Variants in ASAP3 observed in about 807,000 individuals in gnomAD.
The protein encoded by ASAP3 is arf-GAP with SH3 domain, ANK repeat and PH domain-containing protein 3.
ASAP3 carries 85 observed loss-of-function variants against 118.2 expected under a neutral mutation model. The observed-to-expected ratio is 0.72, with a 90% CI of 0.60 to 0.86. The LOEUF is 0.86. Among genes scored for constraint, ASAP3 ranks in the 40% least tolerant of loss-of-function variants. ASAP3 has a pLI of 0.00. For synonymous variants in ASAP3, 432 were observed against 477.4 expected, an observed-to-expected ratio of 0.90 and a Z score of 1.24; for missense variants, 1,026 against 1,175.0, an observed-to-expected ratio of 0.87 and a Z score of 1.85.
At position 23,436,445 on chromosome 1, in the gene ASAP3, G is replaced by C. The variant is rs1640657007; in HGVS notation, c.1571+115C>G. On this transcript the variant is annotated intron_variant, in intron 16 of 24. Coordinates refer to ENST00000336689, the MANE Select transcript of ASAP3 (RefSeq NM_017707.4). The surrounding 1 kb of genome is among the most constrained non-coding windows in gnomAD (Gnocchi z 4.2). Reference sequence around the variant, plus strand: ...CCCAAAGTGCTGGGATTACAGGCGTGAGCCACTGCGCCCAGCCTCCCCAGA... The same window carrying C: ...CCCAAAGTGCTGGGATTACAGGCGTCAGCCACTGCGCCCAGCCTCCCCAGA... 5 of 1,164,844 alleles carry C rather than the reference G, an allele frequency of 4.3e-6. No individual in the cohort carries two copies. The South Asian group carries it at 6.9e-5, about 16-fold the overall frequency. The allele number at this position is 1,164,844 out of a possible 1,614,324, so 72.2% of individuals were successfully genotyped here. A position where few individuals can be genotyped will look rare whatever the true frequency, so the allele number is the denominator to read the frequency against.
At chr1:23,444,935 T>A (rs929269817) in intron 5 of ASAP3, among the ~76,000 whole-genome samples, 1 of 150,870 alleles carries the variant, frequency 6.6e-6, no homozygotes, top group Non-Finnish European at 1.5e-5. Context: ...CAACCAGAAA[T>A]GTCTCCAGAC....
intron 1 of ASAP3, among the ~76,000 whole-genome samples, chr1:23,481,595 C>T (rs995095112): frequency 3.3e-5 from 5 of 152,174 alleles, no homozygotes; most frequent in South Asian, 2.1e-4. Context: ...TGAACCTCTA[C>T]GTGCACCAAA....
intron 1 of ASAP3, among the ~76,000 whole-genome samples, chr1:23,477,782 G>C (rs1484070124): frequency 6.6e-6 from 1 of 152,140 alleles, no homozygotes; most frequent in African/African-American, 2.4e-5. Context: ...GGCACCATCG[G>C]AGTTCACTGC....
chr1:23,437,962 T>C lies in ASAP3; in HGVS notation c.1103-490A>G, dbSNP rs1640736577. Among the ~76,000 whole-genome samples, 1 of 152,138 alleles carries C rather than the reference T, an allele frequency of 6.6e-6. No homozygotes were observed. Among genetic ancestry groups the C allele is most frequent in the African/African-American group, 2.4e-5 (1 of 41,428 alleles). On this transcript the variant is annotated intron_variant, in intron 12 of 24. Coordinates refer to ENST00000336689, the MANE Select transcript of ASAP3 (RefSeq NM_017707.4). This position sits in a 1 kb window ranked among gnomAD's most constrained non-coding sequence, Gnocchi z 6.1. ...CCCCAAGATCTCCCATGGCTCTCTA[T>C]TGCCAGGAAATAAGGTCCAAACTTT...
intron 10 of ASAP3, among the ~76,000 whole-genome samples, chr1:23,439,448 A>G (rs1408469981): frequency 6.6e-6 from 1 of 152,078 alleles, no homozygotes; most frequent in Non-Finnish European, 1.5e-5. Flanking sequence ...TGCCAGTCTG[A>G]TGGAGAAACA....
chr1:23,482,817 T>A (rs1276111541), intron 1 of ASAP3, among the ~76,000 whole-genome samples: 1 of 151,784 alleles, frequency 6.6e-6, no homozygotes, highest in East Asian at 1.9e-4. Flanking sequence ...CCAGGCGTAG[T>A]GGCGGGAGCC....
In ASAP3 at chr1:23,464,864, C is replaced by T. The variant is rs1190652304; in HGVS notation, c.130-8670G>A. Among the ~76,000 whole-genome samples, 5 of 152,096 alleles carry T rather than the reference C, an allele frequency of 3.3e-5. No homozygotes were observed. In the East Asian group the frequency reaches 9.7e-4, roughly 29 times the overall value. ...GTCCAGCAATCTGTGGTTTAACAAG[C>T]CCTCCAGGTGATTCTAATGCATGCT... On this transcript the variant is annotated intron_variant, in intron 1 of 24. Coordinates refer to ENST00000336689, the MANE Select transcript of ASAP3 (RefSeq NM_017707.4).
chr1:23,434,223 G>T, intron 19 of ASAP3, 31 bp downstream of exon 19: 1 of 1,602,852 alleles, frequency 6.2e-7, no homozygotes, highest in South Asian at 1.1e-5. Flanking sequence ...TCAGGAATAG[G>T]AGTCTGACGG....
chr1:23,481,984 A>G (rs915068215), intron 1 of ASAP3, among the ~76,000 whole-genome samples: 2 of 152,196 alleles, frequency 1.3e-5, no homozygotes, highest in African/African-American at 4.8e-5. Context: ...TTTCCCTGTG[A>G]GCCCCACAGT....
intron 1 of ASAP3, among the ~76,000 whole-genome samples, chr1:23,465,419 A>G (rs560839435): frequency 2.2e-4 from 33 of 152,348 alleles, no homozygotes; most frequent in African/African-American, 7.7e-4. Flanking sequence ...CCCATTTTAA[A>G]GATGAAGCTG....
intron 23 of ASAP3, 74 bp from the exon 24 acceptor site, chr1:23,431,199 A>T: frequency 1.4e-6 from 2 of 1,456,522 alleles, no homozygotes; most frequent in Non-Finnish European, 1.9e-6. Flanking sequence ...AGGGCTCAGG[A>T]ACAGAGCCAG....
chr1:23,455,284 T>C (rs1478698658), intron 3 of ASAP3, among the ~76,000 whole-genome samples: 1 of 152,018 alleles, frequency 6.6e-6, no homozygotes, highest in Non-Finnish European at 1.5e-5. Flanking sequence ...TGCCTGCACA[T>C]GGGAAGAGCT....
rs377078048 is a variant in ASAP3, at chr1:23,462,555, G to A, written c.130-6361C>T. Among the ~76,000 whole-genome samples the A allele has an allele frequency of 1.2e-4, 18 of 151,376 alleles. No homozygotes were observed. In the East Asian group the frequency reaches 1.6e-3, roughly 13 times the overall value. The stretch of plus-strand genomic sequence containing the variant: ...TGGGAGGCTGAGGCTGGCAGATCAC[G>A]AAGTCAAGATCGAGACCATCCTGGC... On this transcript the variant is annotated intron_variant, in intron 1 of 24. Transcript: ENST00000336689.
At position 23,436,860 on chromosome 1, in the gene ASAP3, T is replaced by G; in HGVS notation, c.1476+51A>C. On this transcript the variant is annotated intron_variant, in intron 15 of 24. Transcript: ENST00000336689. This position sits in a 1 kb window ranked among gnomAD's most constrained non-coding sequence, Gnocchi z 4.2. ...TGCAAGCCCCGCCCCCGGATGAAAC[T>G]ACACCCCTAACTCCGCTTCTGGCCC... 1 of 1,441,344 alleles carries G rather than the reference T, an allele frequency of 6.9e-7. No homozygotes were observed. Among genetic ancestry groups the G allele is most frequent in the Non-Finnish European group, 9.3e-7 (1 of 1,077,182 alleles). The allele number at this position is 1,441,344 out of a possible 1,614,324, so 89.3% of individuals were successfully genotyped here.
rs1031101480 is a variant in ASAP3, at chr1:23,429,467, G to C, written c.*389C>G. On this transcript the variant is annotated 3_prime_UTR_variant, in exon 25 of 25. Transcript: ENST00000336689. Reference sequence around the variant, plus strand: ...TGAGAAGACAGTCCCTACTTGGCAGGGTCCCTGATCTGGAAGTCAGTGATG... The same window carrying C: ...TGAGAAGACAGTCCCTACTTGGCAGCGTCCCTGATCTGGAAGTCAGTGATG... 1 of 165,084 alleles carries C rather than the reference G, an allele frequency of 6.1e-6. No individual in the cohort carries two copies. The highest frequency in any genetic ancestry group is 1.3e-5 in the Non-Finnish European group (1 of 76,258). The allele number at this position is 165,084 out of a possible 1,614,324, so 10.2% of individuals were successfully genotyped here. A position where few individuals can be genotyped will look rare whatever the true frequency, so the allele number is the denominator to read the frequency against.
intron 5 of ASAP3, among the ~76,000 whole-genome samples, chr1:23,443,810 T>G (rs1439014973): frequency 1.3e-5 from 2 of 151,958 alleles, no homozygotes; most frequent in Non-Finnish European, 2.9e-5. Context: ...AACCTCGGCC[T>G]CCTGGGTTCA....
chr1:23,442,937 T>C (rs1328911810), intron 5 of ASAP3, among the ~76,000 whole-genome samples: 2 of 152,188 alleles, frequency 1.3e-5, no homozygotes, highest in Non-Finnish European at 2.9e-5. Flanking sequence ...GCAAGAGGGA[T>C]GGACCATGTG....
chr1:23,464,497 A>AT (rs1014100960), intron 1 of ASAP3, among the ~76,000 whole-genome samples: 8 of 151,468 alleles, frequency 5.3e-5, no homozygotes, highest in Non-Finnish European at 8.8e-5. Flanking sequence ...ATTACAAAAA[A>AT]TTTTTTAAAA....
intron 17 of ASAP3, 80 bp downstream of exon 17, chr1:23,435,771 G>A: frequency 6.7e-7 from 1 of 1,503,076 alleles, no homozygotes; most frequent in Non-Finnish European, 9.3e-7. Context: ...GGGTGGAGGG[G>A]AGTAACAGCT....
Sources: gnomAD v4.1 joint callset for allele counts (sites outside exome capture counted in the v4.1 genomes callset) on GRCh38, gnomAD v4.1.1 for gene constraint, Gnocchi (gnomAD v3.1) non-coding constraint, MANE v1.5 for transcripts, NCBI Gene and HGNC (gene_info 2026-07-23, HGNC 2026-07-21) for gene names.